Variants in DNAJB2 observed in about 807,000 individuals in gnomAD.
DNAJB2 encodes dnaJ homolog subfamily B member 2.
In DNAJB2, 19 loss-of-function variants were observed where a neutral mutation model predicts 33.3. The observed-to-expected ratio is 0.57, with a 90% confidence interval of 0.40 to 0.84. The LOEUF is 0.84. Among genes scored for constraint, DNAJB2 ranks in the 40% least tolerant of loss-of-function variants. DNAJB2 has a pLI of 0.00. For missense variants in DNAJB2, 368 were observed against 430.9 expected, an observed-to-expected ratio of 0.85 and a Z score of 1.29; for synonymous variants, 172 against 164.6, an observed-to-expected ratio of 1.04 and a Z score of -0.34.
Position 219,285,953 on chromosome 2 carries a change from C to G in DNAJB2, c.*966C>G. The G allele has an allele frequency of 1.2e-6, 2 of 1,610,740 alleles. No homozygotes were observed. Among genetic ancestry groups the G allele is most frequent in the African/African-American group, 2.7e-5 (2 of 75,044 alleles). ...TCCTCCACAGCTTGCCGCTGACGCTCTCTCCTGTCACCCCGCCCCTGCTCT... is the reference window on the plus strand; with the variant it reads ...TCCTCCACAGCTTGCCGCTGACGCTGTCTCCTGTCACCCCGCCCCTGCTCT... On this transcript the variant is annotated 3_prime_UTR_variant, in exon 9 of 9. Transcript: ENST00000336576.
intron 2 of DNAJB2, chr2:219,280,210 TTCTC>T (rs1951891838): frequency 2.0e-6 from 1 of 508,748 alleles, no homozygotes; most frequent in Non-Finnish European, 3.5e-6. Flanking sequence ...GATTTGGGCA[TTCTC>T]AGGCTGCAGT....
rs576365868 is a variant in DNAJB2 at position 219,286,281 on chromosome 2, G to A, written c.*1294G>A. ...CTTGGGGGAGGTGGTGTATGGTTACGGAGCTGTGCATCTTGGGACATGTAG... is the reference window on the plus strand; with the variant it reads ...CTTGGGGGAGGTGGTGTATGGTTACAGAGCTGTGCATCTTGGGACATGTAG... On this transcript the variant is annotated 3_prime_UTR_variant, in exon 9 of 9. Coordinates refer to ENST00000336576, the MANE Select transcript of DNAJB2 (RefSeq NM_006736.6). 5.0e-5 allele frequency: 22 copies of A among 442,398 alleles called. No individual in the cohort carries two copies. The East Asian group carries it at 6.2e-4, about 12-fold the overall frequency. The allele number at this position is 442,398 out of a possible 1,614,324, so 27.4% of individuals were successfully genotyped here.
Position 219,284,700 on chromosome 2 carries a change from A to G in DNAJB2, c.688A>G (p.Arg230Gly). 3 of 1,612,066 alleles carry G rather than the reference A, an allele frequency of 1.9e-6. No individual in the cohort carries two copies. Among genetic ancestry groups the G allele is most frequent in the Non-Finnish European group, 2.5e-6 (3 of 1,178,954 alleles). The change falls in exon 9 of 9, where the codon AGG (arginine) becomes GGG (glycine). Residue 230 changes from arginine (R) to glycine (G), a missense_variant. Physicochemically the swap from Arg to Gly is moderately radical, Grantham distance 125. Transcript: ENST00000336576. ...CGAGCAGCAGCCGTCAGTCACTTCC[A>G]GGTCTGGGGGCACTCAGGTCCAGCA... The part of the protein sequence containing the change: ...RREQQPSVTS[R>G]SGGTQVQQTP...
intron 4 of DNAJB2, 52 bp from the exon 5 acceptor site, chr2:219,281,887 C>A: frequency 1.9e-6 from 3 of 1,610,480 alleles, no homozygotes; most frequent in South Asian, 1.1e-5. Context: ...TGAGGTCCCC[C>A]GCTCAGGGCA....
In DNAJB2 at chr2:219,280,624, A is replaced by G. The variant is rs1021860602; in HGVS notation, c.112A>G (p.Asn38Asp). 6.2e-6 allele frequency: 10 copies of G among 1,614,104 alleles called. No individual in the cohort carries two copies. In the African/African-American group the frequency reaches 1.1e-4, roughly 17 times the overall value. Residue 38 changes from asparagine (N) to aspartate (D), a missense_variant, in exon 3 of 9, where the codon AAT (asparagine) becomes GAT (aspartate). Asn to Asp is a conservative substitution (Grantham distance 23, BLOSUM62 1). Coordinates refer to ENST00000336576, the MANE Select transcript of DNAJB2 (RefSeq NM_006736.6). ...LQWHPDKNPDNKEFAEKKFKE... is the reference protein window; with the variant it reads ...LQWHPDKNPDDKEFAEKKFKE... ...GTGGCACCCAGACAAAAACCCAGAT[A>G]ATAAAGAGTTTGCTGAGAAGAAATT...
In DNAJB2 at chr2:219,281,943, T is replaced by A; in HGVS notation, c.234T>A (p.Thr78=). ...CTCCTCATCCTGCCTTTCCAGGAACTGGCCCATCTCGGGCAGAAGCTGGCA... is the reference window on the plus strand; with the variant it reads ...CTCCTCATCCTGCCTTTCCAGGAACAGGCCCATCTCGGGCAGAAGCTGGCA... ...YGREGLTGTG[T]GPSRAEAGSG... is the part of the protein sequence containing the mutation. The change falls in exon 5 of 9, where the codon ACT becomes ACA. Residue 78 remains threonine (T), a synonymous_variant. Coordinates refer to ENST00000336576, the MANE Select transcript of DNAJB2 (RefSeq NM_006736.6). 1 of 1,614,172 alleles carries A rather than the reference T, an allele frequency of 6.2e-7. No homozygotes were observed. The highest frequency in any genetic ancestry group is 8.5e-7 in the Non-Finnish European group (1 of 1,180,010).
rs576058376 is a variant in DNAJB2 at position 219,281,958 on chromosome 2, A to G, written c.249A>G (p.Ala83=). 2.0e-5 allele frequency: 33 copies of G among 1,614,074 alleles called. No individual in the cohort carries two copies. Among genetic ancestry groups the G allele is most frequent in the Non-Finnish European group, 2.8e-5 (33 of 1,180,038 alleles). Residue 83 remains alanine (A), a synonymous_variant, in exon 5 of 9, where the codon GCA becomes GCG. Transcript: ENST00000336576. ...LTGTGTGPSR[A]EAGSGGPGFT... ...TTCCAGGAACTGGCCCATCTCGGGC[A>G]GAAGCTGGCAGTGGTGGGCCTGGCT...
chr2:219,280,126 G>T, intron 2 of DNAJB2: 4 of 564,870 alleles, frequency 7.1e-6, no homozygotes, highest in Non-Finnish European at 9.4e-6. Context: ...ACTGTGTTAT[G>T]GGTTGTTCTC....
At position 219,279,719 on chromosome 2, in the gene DNAJB2, C is replaced by T. The variant is rs562983134; in HGVS notation, c.-36-79C>T. ...TCCGCTTCCAACTGGGAGCGCCTTC[C>T]GCCACCCGGGGAGGGGGACTGCTGC... On this transcript the variant is annotated intron_variant, in intron 1 of 8. Coordinates refer to ENST00000336576, the MANE Select transcript of DNAJB2 (RefSeq NM_006736.6). This position sits in a 1 kb window ranked among gnomAD's most constrained non-coding sequence, Gnocchi z 4.9. 2 of 1,220,664 alleles carry T rather than the reference C, an allele frequency of 1.6e-6. No homozygotes were observed. The highest frequency in any genetic ancestry group is 2.2e-5 in the Admixed American group (1 of 45,374). The allele number at this position is 1,220,664 out of a possible 1,614,324, so 75.6% of individuals were successfully genotyped here.
At position 219,280,197 on chromosome 2, in the gene DNAJB2, C is replaced by G. The variant is rs3770223; in HGVS notation, c.65+299C>G. Reference sequence around the variant, plus strand: ...CTTTCCCCTCCCCTCCCCCTTCCCCCTAGATTTGGGCATTCTCAGGCTGCA... The same window carrying G: ...CTTTCCCCTCCCCTCCCCCTTCCCCGTAGATTTGGGCATTCTCAGGCTGCA... On this transcript the variant is annotated intron_variant, in intron 2 of 8. Transcript: ENST00000336576. 2.1e-4 allele frequency: 109 copies of G among 530,928 alleles called. No homozygotes were observed. In the East Asian group the frequency reaches 3.5e-3, roughly 17 times the overall value. The allele number at this position is 530,928 out of a possible 1,614,324, so 32.9% of individuals were successfully genotyped here.
At chr2:219,281,042 G>A (rs1252422536) in intron 3 of DNAJB2, 2 of 264,788 alleles carry the variant, frequency 7.6e-6, no homozygotes, top group African/African-American at 2.2e-5. Context: ...TGAGAGAGGT[G>A]AAGTAACTTG....
At position 219,283,106 on chromosome 2, in the gene DNAJB2, C is replaced by T. The variant is rs774614720; in HGVS notation, c.446-27C>T. The T allele has an allele frequency of 5.0e-6, 8 of 1,605,584 alleles. No homozygotes were observed. In the Admixed American group the frequency reaches 1.2e-4, roughly 23 times the overall value. Reference sequence around the variant, plus strand: ...GCGCAGTCTTCTTCTAACCACCTCTCCTCCTCCTCCCTTGTCCCGATGCCA... The same window carrying T: ...GCGCAGTCTTCTTCTAACCACCTCTTCTCCTCCTCCCTTGTCCCGATGCCA... On this transcript the variant is annotated intron_variant, in intron 6 of 8. Transcript: ENST00000336576.
rs921512197 is a variant in DNAJB2, at chr2:219,285,569, C to T, written c.*582C>T. The T allele has an allele frequency of 2.1e-5, 22 of 1,035,896 alleles. No individual in the cohort carries two copies. Among genetic ancestry groups the T allele is most frequent in the South Asian group, 8.6e-5 (2 of 23,138 alleles). The allele number at this position is 1,035,896 out of a possible 1,614,324, so 64.2% of individuals were successfully genotyped here. ...GGGCCGCATCGCTTGCTTTCACTGC[C>T]GTCTGGCTAGGACTCCCTTCTTCCT... On this transcript the variant is annotated 3_prime_UTR_variant, in exon 9 of 9. Coordinates refer to ENST00000336576, the MANE Select transcript of DNAJB2 (RefSeq NM_006736.6).
intron 5 of DNAJB2, chr2:219,282,467 C>T (rs1277038577): frequency 8.7e-6 from 3 of 345,722 alleles, no homozygotes; most frequent in Non-Finnish European, 1.6e-5. Flanking sequence ...GCAATTTTCT[C>T]CCCATTTGCA....
chr2:219,280,103 C>T (rs1259387443), intron 2 of DNAJB2: 5 of 598,642 alleles, frequency 8.4e-6, no homozygotes, highest in South Asian at 2.0e-5. Context: ...TAGTTAGTTC[C>T]TCTGGGAGCT....
At chr2:219,281,567 C>T (rs1410269598) in intron 3 of DNAJB2, 151 bp from the exon 4 acceptor site, 2 of 957,010 alleles carry the variant, frequency 2.1e-6, no homozygotes, top group African/African-American at 1.6e-5. Flanking sequence ...CTGCCTAAAC[C>T]TATAGCCCGT....
At chr2:219,280,184 CT>C in intron 2 of DNAJB2, 1 of 539,074 alleles carries the variant, frequency 1.9e-6, no homozygotes, top group Non-Finnish European at 3.3e-6. Context: ...TTCCCCTCCC[CT>C]CCCCCTTCCC....
intron 3 of DNAJB2, chr2:219,280,927 C>G (rs762394153): frequency 3.9e-6 from 2 of 512,874 alleles, no homozygotes; most frequent in Non-Finnish European, 7.0e-6. Context: ...GTGAGCTGAG[C>G]CTCCTGCGTG....
At position 219,286,348 on chromosome 2, in the gene DNAJB2, T is replaced by C. The variant is rs1951956562; in HGVS notation, c.*1361T>C. ...GTCACTCGCTGTGAGATGGGGAGAT[T>C]TTGTCTTTTGATTTATCCCTGTAGG... On this transcript the variant is annotated 3_prime_UTR_variant, in exon 9 of 9. Coordinates refer to ENST00000336576, the MANE Select transcript of DNAJB2 (RefSeq NM_006736.6). 2 of 290,040 alleles carry C rather than the reference T, an allele frequency of 6.9e-6. No homozygotes were observed. Among genetic ancestry groups the C allele is most frequent in the Non-Finnish European group, 6.7e-6 (1 of 149,706 alleles). The allele number at this position is 290,040 out of a possible 1,614,324, so 18.0% of individuals were successfully genotyped here. A position where few individuals can be genotyped will look rare whatever the true frequency, so the allele number is the denominator to read the frequency against.
Sources: gnomAD v4.1 joint callset for allele counts on GRCh38, gnomAD v4.1.1 for gene constraint, Gnocchi (gnomAD v3.1) non-coding constraint, MANE v1.5 for transcripts, NCBI Gene and HGNC (gene_info 2026-07-23, HGNC 2026-07-21) for gene names.